The following ZBTB40 variants were observed in gnomAD, a reference collection of about 807,000 sequenced individuals.
ZBTB40 encodes the protein zinc finger and BTB domain containing 40.
A neutral mutation model predicts 117.5 loss-of-function variants in ZBTB40; 60 were observed. That is an observed-to-expected ratio of 0.51 (90% CI 0.41 to 0.63). The LOEUF (loss-of-function observed/expected upper bound fraction) is 0.63, where lower values mean the gene tolerates loss of function less well. ZBTB40 is among the 30% of genes least tolerant of loss of function. The pLI is 0.00. For synonymous variants in ZBTB40, 525 were observed against 577.1 expected, an observed-to-expected ratio of 0.91 and a Z score of 1.29; for missense variants, 1,287 against 1,498.5, an observed-to-expected ratio of 0.86 and a Z score of 2.33.
At chr1:22,467,784 T>C (rs1641292295) in intron 1 of ZBTB40, among the ~76,000 whole-genome samples, 1 of 151,552 alleles carries the variant, frequency 6.6e-6, no homozygotes, top group African/African-American at 2.4e-5. Flanking sequence ...CTGTTTTTTT[T>C]TTTTTTTTTT....
intron 1 of ZBTB40, among the ~76,000 whole-genome samples, chr1:22,458,690 G>A (rs1452202555): frequency 6.6e-6 from 1 of 152,134 alleles, no homozygotes; most frequent in African/African-American, 2.4e-5. Context: ...TCATAAACAG[G>A]CTCTTTTTCT....
At chr1:22,525,103 A>T (rs1639640953) in intron 17 of ZBTB40, among the ~76,000 whole-genome samples, 1 of 152,220 alleles carries the variant, frequency 6.6e-6, no homozygotes, top group Non-Finnish European at 1.5e-5. Flanking sequence ...CAGATCAGTC[A>T]TTTATAAACC....
In ZBTB40 at chr1:22,526,452, A is replaced by G; in HGVS notation, c.*56A>G. 6.2e-7 allele frequency: 1 copy of G among 1,608,728 alleles called. No individual in the cohort carries two copies. The highest frequency in any genetic ancestry group is 8.5e-7 in the Non-Finnish European group (1 of 1,178,256). On this transcript the variant is annotated 3_prime_UTR_variant, in exon 18 of 18. Transcript: ENST00000375647. The stretch of plus-strand genomic sequence containing the variant: ...GTTTGCAGCAGAGAGGAGGCCCCAC[A>G]GCTTGCCCTTTGCCCTCCATCCCTG...
chr1:22,468,465 C>CTTTTTTTT (rs555995462), intron 1 of ZBTB40, among the ~76,000 whole-genome samples: 6 of 51,722 alleles, frequency 1.2e-4, no homozygotes, highest in South Asian at 5.1e-4. Context: ...TTAATGTTTC[C>CTTTTTTTT]TTTTTTTTTT....
chr1:22,463,848 CAAAA>C (rs1641190473), intron 1 of ZBTB40, among the ~76,000 whole-genome samples: 1 of 152,148 alleles, frequency 6.6e-6, no homozygotes. Flanking sequence ...TAGAACACCT[CAAAA>C]GAAGTTTCAT....
chr1:22,477,455 C>G (rs1266987723), intron 1 of ZBTB40, among the ~76,000 whole-genome samples: 1 of 151,984 alleles, frequency 6.6e-6, no homozygotes, highest in Admixed American at 6.5e-5. Flanking sequence ...TCGAGACCAT[C>G]CTGGCCAACG....
At chr1:22,446,414 G>A (rs1384492872) in intron 1 of ZBTB40, among the ~76,000 whole-genome samples, 1 of 151,912 alleles carries the variant, frequency 6.6e-6, no homozygotes, top group Non-Finnish European at 1.5e-5. Context: ...GATCACAGAA[G>A]CTCAGAGAAT....
At chr1:22,456,362 G>A (rs1183106653) in intron 1 of ZBTB40, among the ~76,000 whole-genome samples, 1 of 152,098 alleles carries the variant, frequency 6.6e-6, no homozygotes, top group Non-Finnish European at 1.5e-5. Flanking sequence ...AAATTATGAT[G>A]CCACGTATTT....
rs543644647 is a variant in ZBTB40, at chr1:22,520,313, C to A, written c.3048+38C>A. ...GCCACTGGGAGCTCTTCCCCTCACC[C>A]CTGACCTACTCTCCATTTGATCTTC... is the stretch of plus-strand genomic sequence containing the variant. On this transcript the variant is annotated intron_variant, in intron 14 of 17. Coordinates refer to ENST00000375647, the MANE Select transcript of ZBTB40 (RefSeq NM_014870.4). 473 of 1,539,784 alleles carry A rather than the reference C, an allele frequency of 3.1e-4. 8 individuals carry two copies. The South Asian group carries it at 5.0e-3, about 16-fold the overall frequency.
At chr1:22,431,713 G>A (rs924184097) in intron 1 of ZBTB40, among the ~76,000 whole-genome samples, 3 of 149,848 alleles carry the variant, frequency 2.0e-5, no homozygotes, top group African/African-American at 2.4e-5. Context: ...TCCAGCCTGG[G>A]CGACAAGAGT....
chr1:22,474,320 A>G (rs1172449169), intron 1 of ZBTB40, among the ~76,000 whole-genome samples: 2 of 152,246 alleles, frequency 1.3e-5, no homozygotes, highest in African/African-American at 2.4e-5. Flanking sequence ...TCATGAACCC[A>G]GGAGTGTGAA....
At chr1:22,514,546 C>T (rs1639326390) in intron 12 of ZBTB40, among the ~76,000 whole-genome samples, 2 of 152,162 alleles carry the variant, frequency 1.3e-5, no homozygotes, top group Admixed American at 1.3e-4. Context: ...CTTCCCTTTG[C>T]TGGGGACGCT....
chr1:22,443,109 C>T (rs1056841050), intron 1 of ZBTB40, among the ~76,000 whole-genome samples: 1 of 152,268 alleles, frequency 6.6e-6, no homozygotes, highest in Admixed American at 6.5e-5. Context: ...CAGAACGTTA[C>T]GTTCTCTCTC....
chr1:22,466,067 C>T (rs557530055), intron 1 of ZBTB40, among the ~76,000 whole-genome samples: 2 of 152,288 alleles, frequency 1.3e-5, no homozygotes, highest in East Asian at 1.9e-4. Flanking sequence ...ACCACTAATC[C>T]ACTTTCTGTC....
chr1:22,439,347 G>A (rs1640706778), intron 1 of ZBTB40, among the ~76,000 whole-genome samples: 1 of 151,922 alleles, frequency 6.6e-6, no homozygotes, highest in Non-Finnish European at 1.5e-5. Flanking sequence ...AATATTTTGT[G>A]AAGTCCAATT....
chr1:22,525,168 G>A (rs1031725865), intron 17 of ZBTB40, among the ~76,000 whole-genome samples: 5 of 152,094 alleles, frequency 3.3e-5, no homozygotes, highest in Admixed American at 2.6e-4. Context: ...CAGGACTCCC[G>A]CCAACACTCT....
intron 1 of ZBTB40, among the ~76,000 whole-genome samples, chr1:22,472,880 A>C (rs1248667872): frequency 6.6e-6 from 1 of 152,158 alleles, no homozygotes; most frequent in Non-Finnish European, 1.5e-5. Context: ...AGGCTGCTGG[A>C]ATGCATTCCA....
chr1:22,512,261 A>G (rs1639260875), intron 11 of ZBTB40, 127 bp downstream of exon 11: 2 of 1,049,684 alleles, frequency 1.9e-6, no homozygotes, highest in Non-Finnish European at 1.4e-6. Context: ...GCAGGTTCCT[A>G]CAGAGGCAGG....
upstream of ZBTB40, among the ~76,000 whole-genome samples, chr1:22,447,276 T>C (rs543698529): frequency 2.0e-4 from 30 of 152,232 alleles, no homozygotes; most frequent in Middle Eastern, 0.017. Context: ...TGCAGAACAT[T>C]GTAAAGGATA....
Sources: allele counts gnomAD v4.1 joint callset (sites outside exome capture counted in the v4.1 genomes callset), GRCh38; gene constraint gnomAD v4.1.1; transcripts MANE v1.5; gene names NCBI Gene and HGNC (gene_info 2026-07-23, HGNC 2026-07-21).